Variants in TMC6 observed in about 807,000 individuals in gnomAD.
TMC6 encodes transmembrane channel-like protein 6.
Under a neutral mutation model 95.4 loss-of-function variants are expected in TMC6, and 71 were observed. That is an observed-to-expected ratio of 0.74 (90% CI 0.61 to 0.91). The LOEUF is 0.91. TMC6 is among the 40% of genes least tolerant of loss of function. The pLI, the probability that TMC6 is intolerant of heterozygous loss-of-function variation, is 0.00. For missense variants in TMC6, 1,074 were observed against 1,079.1 expected (o/e 1.00, Z 0.07); for synonymous variants, 514 against 483.1 (o/e 1.06, Z -0.84).
chr17:78,113,808 G>C, intron 18 of TMC6, 184 bp from the exon 19 acceptor site: 1 of 656,580 alleles, frequency 1.5e-6, no homozygotes, highest in Non-Finnish European at 2.7e-6. Flanking sequence ...GAGCCAGGAA[G>C]TGGGCGTATG....
rs376249338 is a variant in TMC6, at chr17:78,117,825, G to A, written c.1998C>T (p.Val666=). The change falls in exon 16 of 20, where the codon GTC becomes GTT. Residue 666 remains valine, a synonymous_variant. Coordinates refer to ENST00000590602, the MANE Select transcript of TMC6 (RefSeq NM_001127198.5). ...LCFPAFLGAA[V]FLCYAVWQVK... is the part of the protein sequence containing the mutation. ...ACTGCCAGACGGCGTAGCAGAGGAA[G>A]ACAGCGGCGCCCAGGAAGGCGGGGA... 8.7e-6 allele frequency: 14 copies of A among 1,607,698 alleles called. No homozygotes were observed. The East Asian group carries it at 3.1e-4, about 36-fold the overall frequency.
At position 78,124,708 on chromosome 17, in the gene TMC6, C is replaced by A. The variant is rs1354906559; in HGVS notation, c.707G>T (p.Arg236Leu). 1 of 1,596,122 alleles carries A rather than the reference C, an allele frequency of 6.3e-7. No homozygotes were observed. Among genetic ancestry groups the A allele is most frequent in the Non-Finnish European group, 8.5e-7 (1 of 1,171,870 alleles). ...ALMPWRYALK[R>L]IGGQFGSSVL... The stretch of plus-strand genomic sequence containing the variant: ...GCTGGAGCCGAACTGGCCCCCGATG[C>A]GCTTCAGGGCGTAGCGCCACGGCAT... Residue 236 changes from arginine (R) to leucine (L), a missense_variant, in exon 8 of 20, where the codon CGC becomes CTC. Arg to Leu is a moderately radical substitution (Grantham distance 102, BLOSUM62 -2). Coordinates refer to ENST00000590602, the MANE Select transcript of TMC6 (RefSeq NM_001127198.5).
rs1356271403 is a variant in TMC6 at position 78,109,268 on chromosome 17, CTG to C, written c.*3878_*3879del. 4 of 356,126 alleles carry C rather than the reference CTG, an allele frequency of 1.1e-5. No homozygotes were observed. Among genetic ancestry groups the C allele is most frequent in the Admixed American group, 3.8e-5 (1 of 26,572 alleles). The allele number at this position is 356,126 out of a possible 1,614,324, so 22.1% of individuals were successfully genotyped here. On this transcript the variant is annotated 3_prime_UTR_variant, in exon 20 of 20. Coordinates refer to ENST00000590602, the MANE Select transcript of TMC6 (RefSeq NM_001127198.5). ...ACAGAGGCATCATGGCGAGCCCCGACTGAGTGTTCAGTGAAGAGGGAAAACAG... is the reference window on the plus strand; with the variant it reads ...ACAGAGGCATCATGGCGAGCCCCGACAGTGTTCAGTGAAGAGGGAAAACAG...
intron 17 of TMC6, 31 bp from the exon 18 acceptor site, chr17:78,117,378 A>G (rs372407289): frequency 6.2e-7 from 1 of 1,612,722 alleles, no homozygotes; most frequent in African/African-American, 1.3e-5. Context: ...GGCAGGGCCC[A>G]GGGCCACAGC....
chr17:78,122,579 C>A lies in TMC6; in HGVS notation c.1227+26G>T, dbSNP rs752431209. ...CAGGCCTGCAGGGAGCTGGGCAGGCCAGCTTGGTGCTCCGGGGCCACTCAC... is the reference window on the plus strand; with the variant it reads ...CAGGCCTGCAGGGAGCTGGGCAGGCAAGCTTGGTGCTCCGGGGCCACTCAC... On this transcript the variant is annotated intron_variant, in intron 10 of 19. Transcript: ENST00000590602. The surrounding 1 kb of genome is among the most constrained non-coding windows in gnomAD (Gnocchi z 4.9). The A allele has an allele frequency of 6.2e-7, 1 of 1,605,882 alleles. No individual in the cohort carries two copies. The highest frequency in any genetic ancestry group is 1.1e-5 in the South Asian group (1 of 91,010).
chr17:78,109,242 C>T lies in TMC6; in HGVS notation c.*3906G>A, dbSNP rs2073775391. The T allele has an allele frequency of 1.1e-5, 4 of 350,000 alleles. No homozygotes were observed. The highest frequency in any genetic ancestry group is 8.6e-5 in the South Asian group (4 of 46,696). 21.7% of individuals were successfully genotyped at this position (350,000 alleles called of 1,614,324 possible). A position where few individuals can be genotyped will look rare whatever the true frequency, so the allele number is the denominator to read the frequency against. ...TTCCAATGGGGGAGAAGCCAGCAGA[C>T]ACAGAGGCATCATGGCGAGCCCCGA... On this transcript the variant is annotated 3_prime_UTR_variant, in exon 20 of 20. Coordinates refer to ENST00000590602, the MANE Select transcript of TMC6 (RefSeq NM_001127198.5).
At chr17:78,120,269 C>G in intron 13 of TMC6, 2 of 368,078 alleles carry the variant, frequency 5.4e-6, no homozygotes, top group Non-Finnish European at 1.1e-5. Flanking sequence ...AAGCGATTCT[C>G]ATGCCTCTGC....
intron 12 of TMC6, 32 bp from the exon 13 acceptor site, chr17:78,120,864 C>G (rs762812716): frequency 6.2e-7 from 1 of 1,609,784 alleles, no homozygotes; most frequent in African/African-American, 1.3e-5. Context: ...GGCTGAGGGG[C>G]GGGTACAGGG....
rs58948849 is a variant in TMC6, at chr17:78,112,904, C to T, written c.*244G>A. 2,917 of 562,554 alleles carry T rather than the reference C, an allele frequency of 5.2e-3. 69 individuals carry two copies. Among genetic ancestry groups the T allele is most frequent in the African/African-American group, 0.049 (2,532 of 52,176 alleles). The allele number at this position is 562,554 out of a possible 1,614,324, so 34.8% of individuals were successfully genotyped here. A position where few individuals can be genotyped will look rare whatever the true frequency, so the allele number is the denominator to read the frequency against. On this transcript the variant is annotated 3_prime_UTR_variant, in exon 20 of 20. Transcript: ENST00000590602. ...CCCGGGTGTGGTCACAGACACAGAG[C>T]CCCAAGGGACAAGCCCATTTGCAAA...
chr17:78,109,450 G>A lies in TMC6; in HGVS notation c.*3698C>T, dbSNP rs1422218291. ...CTGTGGCTGATGGGCTCCTGGTGCA[G>A]GACTGGCCCCTGAACAGCACAAGTG... On this transcript the variant is annotated 3_prime_UTR_variant, in exon 20 of 20. Transcript: ENST00000590602. 2 of 456,710 alleles carry A rather than the reference G, an allele frequency of 4.4e-6. No homozygotes were observed. Among genetic ancestry groups the A allele is most frequent in the Non-Finnish European group, 4.4e-6 (1 of 226,980 alleles). 28.3% of individuals were successfully genotyped at this position (456,710 alleles called of 1,614,324 possible).
chr17:78,131,776 G>A (rs1176176105), upstream of TMC6: 1 of 1,556,474 alleles, frequency 6.4e-7, no homozygotes, highest in Non-Finnish European at 8.7e-7. Context: ...CGTGGGGGGG[G>A]TGCTGCGAGG....
In TMC6 at chr17:78,108,856, G is replaced by C. The variant is rs1326117481; in HGVS notation, c.*4292C>G. The C allele has an allele frequency of 1.3e-5, 2 of 152,030 alleles. No individual in the cohort carries two copies. Among genetic ancestry groups the C allele is most frequent in the Non-Finnish European group, 2.9e-5 (2 of 68,018 alleles). 9.4% of individuals were successfully genotyped at this position (152,030 alleles called of 1,614,324 possible). On this transcript the variant is annotated 3_prime_UTR_variant, in exon 20 of 20. Coordinates refer to ENST00000590602, the MANE Select transcript of TMC6 (RefSeq NM_001127198.5). ...CCTGCCCTTTGTGGTTTGTGTTTTT[G>C]TTTGTTAATACAGGGTCTCTGTCTC...
chr17:78,109,156 A>G lies in TMC6; in HGVS notation c.*3992T>C, dbSNP rs2073773326. ...TGCTATTTTGGCAACATCACGGCAG[A>G]ACGGTAAAGGCAGAAAGCACAGTGC... is the stretch of plus-strand genomic sequence containing the variant. On this transcript the variant is annotated 3_prime_UTR_variant, in exon 20 of 20. Coordinates refer to ENST00000590602, the MANE Select transcript of TMC6 (RefSeq NM_001127198.5). 3.3e-6 allele frequency: 1 copy of G among 298,934 alleles called. No individual in the cohort carries two copies. Among genetic ancestry groups the G allele is most frequent in the African/African-American group, 2.2e-5 (1 of 45,670 alleles). The allele number at this position is 298,934 out of a possible 1,614,324, so 18.5% of individuals were successfully genotyped here. A position where few individuals can be genotyped will look rare whatever the true frequency, so the allele number is the denominator to read the frequency against.
At chr17:78,115,919 G>A (rs888823884) in intron 18 of TMC6, among the ~76,000 whole-genome samples, 1 of 150,470 alleles carries the variant, frequency 6.6e-6, no homozygotes, top group African/African-American at 2.5e-5. Context: ...AGGGGCGAAG[G>A]GAGTGGGCAC....
rs913554553 is a variant in TMC6 at position 78,118,034 on chromosome 17, G to A, written c.1888-99C>T. The A allele has an allele frequency of 4.6e-5, 71 of 1,537,222 alleles. 1 individual carries two copies. The highest frequency in any genetic ancestry group is 3.7e-4 in the Admixed American group (19 of 50,752). On this transcript the variant is annotated intron_variant, in intron 15 of 19. Transcript: ENST00000590602. ...GAGGGAAGGGCGACCAGGGCTGTGC[G>A]TCCAGGCAGAGCCTGGACCCTGCTC...
chr17:78,126,865 T>C lies in TMC6; in HGVS notation c.-33A>G, dbSNP rs773650026. The C allele has an allele frequency of 4.4e-6, 7 of 1,608,862 alleles. No homozygotes were observed. The East Asian group carries it at 1.3e-4, about 31-fold the overall frequency. ...GCCAATGCCCGCTAGTCTGCAGACC[T>C]AGGGTAGCTCAGAGCCTGGGCGCCA... On this transcript the variant is annotated 5_prime_UTR_variant, in exon 2 of 20. Transcript: ENST00000590602.
At position 78,111,480 on chromosome 17, in the gene TMC6, T is replaced by C. The variant is rs190789304; in HGVS notation, c.*1668A>G. Reference sequence around the variant, plus strand: ...GCTGGAAACCCTACGTCGGTCCCTGTGGACTGTCACGTCACTTTCTGGACT... The same window carrying C: ...GCTGGAAACCCTACGTCGGTCCCTGCGGACTGTCACGTCACTTTCTGGACT... On this transcript the variant is annotated 3_prime_UTR_variant, in exon 20 of 20. Coordinates refer to ENST00000590602, the MANE Select transcript of TMC6 (RefSeq NM_001127198.5). 5 of 152,534 alleles carry C rather than the reference T, an allele frequency of 3.3e-5. No individual in the cohort carries two copies. In the East Asian group the frequency reaches 9.6e-4, roughly 29 times the overall value. 9.4% of individuals were successfully genotyped at this position (152,534 alleles called of 1,614,324 possible). A position where few individuals can be genotyped will look rare whatever the true frequency, so the allele number is the denominator to read the frequency against.
chr17:78,122,988 G>A lies in TMC6; in HGVS notation c.1083-239C>T, dbSNP rs938114062. 1.6e-5 allele frequency: 10 copies of A among 608,238 alleles called. No homozygotes were observed. The highest frequency in any genetic ancestry group is 3.9e-5 in the South Asian group (2 of 51,910). The allele number at this position is 608,238 out of a possible 1,614,324, so 37.7% of individuals were successfully genotyped here. A position where few individuals can be genotyped will look rare whatever the true frequency, so the allele number is the denominator to read the frequency against. On this transcript the variant is annotated intron_variant, in intron 9 of 19. Transcript: ENST00000590602. This position sits in a 1 kb window ranked among gnomAD's most constrained non-coding sequence, Gnocchi z 4.9. ...AAGAGGGGGCAGGGCTGCATTCACC[G>A]CGGACTTGGCTGGCTGCCTCCCAGC...
chr17:78,113,021 T>G lies in TMC6; in HGVS notation c.*127A>C. 1 of 1,109,484 alleles carries G rather than the reference T, an allele frequency of 9.0e-7. No individual in the cohort carries two copies. Among genetic ancestry groups the G allele is most frequent in the South Asian group, 1.4e-5 (1 of 72,826 alleles). The allele number at this position is 1,109,484 out of a possible 1,614,324, so 68.7% of individuals were successfully genotyped here. A position where few individuals can be genotyped will look rare whatever the true frequency, so the allele number is the denominator to read the frequency against. ...TTCACCCACCCTTCCAGCTCCAGCC[T>G]AGGCGCAGCTGCGGCTTTCGAGAGG... is the stretch of plus-strand genomic sequence containing the variant. On this transcript the variant is annotated 3_prime_UTR_variant, in exon 20 of 20. Transcript: ENST00000590602.
Sources: gnomAD v4.1 joint callset for allele counts (sites outside exome capture counted in the v4.1 genomes callset) on GRCh38, gnomAD v4.1.1 for gene constraint, Gnocchi (gnomAD v3.1) non-coding constraint, MANE v1.5 for transcripts, NCBI Gene and HGNC (gene_info 2026-07-23, HGNC 2026-07-21) for gene names.